The following HBS1L variants were observed in gnomAD, a reference collection of about 807,000 sequenced individuals.
HBS1L encodes HBS1 like translational GTPase.
Under a neutral mutation model 88.9 loss-of-function variants are expected in HBS1L, and 55 were observed. The ratio of observed to expected loss-of-function variants is 0.62; its 90% CI spans 0.50 to 0.77. The LOEUF (loss-of-function observed/expected upper bound fraction) is 0.77, where lower values mean the gene tolerates loss of function less well. HBS1L is among the 30% of genes least tolerant of loss of function. HBS1L has a pLI of 0.00. For synonymous variants in HBS1L, 267 were observed against 288.5 expected, an observed-to-expected ratio of 0.93 and a Z score of 0.76; for missense variants, 741 against 829.3, an observed-to-expected ratio of 0.89 and a Z score of 1.31.
intron 4 of HBS1L, among the ~76,000 whole-genome samples, chr6:135,011,767 G>A (rs535833580): frequency 4.7e-4 from 71 of 152,008 alleles, no homozygotes; most frequent in African/African-American, 1.6e-3. Flanking sequence ...TTAGCCAGAC[G>A]TGGTGGCACG....
At chr6:134,968,747 T>C (rs1301825558) in intron 16 of HBS1L, among the ~76,000 whole-genome samples, 1 of 131,338 alleles carries the variant, frequency 7.6e-6, no homozygotes, top group Non-Finnish European at 1.7e-5. Context: ...CAGGTGGACT[T>C]TGAGCAAAAA....
At chr6:134,992,551 G>A (rs1775171736) in intron 8 of HBS1L, among the ~76,000 whole-genome samples, 1 of 152,074 alleles carries the variant, frequency 6.6e-6, no homozygotes, top group African/African-American at 2.4e-5. Flanking sequence ...CTGATCCTGT[G>A]TAGGCCTAGG....
rs750282776 is a variant in HBS1L at position 134,986,824 on chromosome 6, A to G, written c.1231-14T>C. 1 of 1,457,252 alleles carries G rather than the reference A, an allele frequency of 6.9e-7. No individual in the cohort carries two copies. Among genetic ancestry groups the G allele is most frequent in the Non-Finnish European group, 9.3e-7 (1 of 1,076,128 alleles). The allele number at this position is 1,457,252 out of a possible 1,614,324, so 90.3% of individuals were successfully genotyped here. On this transcript the variant is annotated splice_polypyrimidine_tract_variant and intron_variant, in intron 9 of 17. Transcript: ENST00000367837. ...TTGCCAATTAACCTGATAAAGATCC[A>G]ATTTATTTTTAAAACTATCCTTCAG...
Position 134,967,004 on chromosome 6 carries a change from T to C in HBS1L, c.1899-531A>G, listed in dbSNP as rs141461603. On this transcript the variant is annotated intron_variant, in intron 16 of 17. Coordinates refer to ENST00000367837, the MANE Select transcript of HBS1L (RefSeq NM_006620.4). The stretch of plus-strand genomic sequence containing the variant: ...CCCTCAATCAATCAAGCAATCTCTC[T>C]CTTTCCCCACACAGGAATAATAGTT... Among the ~76,000 whole-genome samples, 445 of 152,308 alleles carry C rather than the reference T, an allele frequency of 2.9e-3. 2 individuals are homozygous for C. The highest frequency in any genetic ancestry group is 9.7e-3 in the African/African-American group (402 of 41,566).
At chr6:134,991,496 T>C (rs1775137476) in intron 8 of HBS1L, among the ~76,000 whole-genome samples, 1 of 152,158 alleles carries the variant, frequency 6.6e-6, no homozygotes, top group South Asian at 2.1e-4. Flanking sequence ...GTATACTAAT[T>C]TAAAATGGTG....
rs375648874 is a variant in HBS1L, at chr6:134,997,446, T to C, written c.750A>G (p.Glu250=). 1.4e-5 allele frequency: 23 copies of C among 1,613,948 alleles called. No individual in the cohort carries two copies. Among genetic ancestry groups the C allele is most frequent in the Non-Finnish European group, 1.9e-5 (22 of 1,179,978 alleles). ...KLRQQIDVKA[E]LEKRQGGKQL... ...GCTTCCCTCCTTGCCGCTTCTCCAG[T>C]TCCGCCTTCACATCTATTTGCTGCC... Residue 250 remains glutamate, a synonymous_variant, in exon 6 of 18, where the codon GAA becomes GAG. Transcript: ENST00000367837.
At chr6:135,036,222 T>G in intron 4 of HBS1L, 1 of 950,200 alleles carries the variant, frequency 1.1e-6, no homozygotes, top group Non-Finnish European at 1.3e-6. Context: ...AGCACAAAAA[T>G]ATTTCATAGA....
chr6:135,012,410 C>G (rs1775801833), intron 4 of HBS1L, among the ~76,000 whole-genome samples: 1 of 152,140 alleles, frequency 6.6e-6, no homozygotes, highest in Non-Finnish European at 1.5e-5. Context: ...CTTTTCAATT[C>G]AAACTTTATA....
rs1255524550 is a variant in HBS1L, at chr6:134,960,720, G to A, written c.*4559C>T. ...TCATGGTTCCATAATTTATTTACTA[G>A]TTTTTAGCAATCCCTCTGAGCTTTA... On this transcript the variant is annotated 3_prime_UTR_variant, in exon 18 of 18. Transcript: ENST00000367837. 6.6e-6 allele frequency: 1 copy of A among 151,968 alleles called. No individual in the cohort carries two copies. Among genetic ancestry groups the A allele is most frequent in the Non-Finnish European group, 1.5e-5 (1 of 67,972 alleles). The allele number at this position is 151,968 out of a possible 1,614,324, so 9.4% of individuals were successfully genotyped here.
intron 4 of HBS1L, among the ~76,000 whole-genome samples, chr6:135,012,441 T>C (rs1323842851): frequency 6.6e-6 from 1 of 152,214 alleles, no homozygotes; most frequent in East Asian, 1.9e-4. Flanking sequence ...CTACAATGAC[T>C]GTATATTATT....
In HBS1L at chr6:135,014,700, T is replaced by C. The variant is rs771316103; in HGVS notation, c.431-11858A>G. Among the ~76,000 whole-genome samples the C allele has an allele frequency of 2.0e-5, 3 of 151,836 alleles. No homozygotes were observed. In the East Asian group the frequency reaches 5.8e-4, roughly 29 times the overall value. On this transcript the variant is annotated intron_variant, in intron 4 of 17. Coordinates refer to ENST00000367837, the MANE Select transcript of HBS1L (RefSeq NM_006620.4). ...GACACTGTTCATGAATATAGACACA[T>C]TTGGTCAGAGATTCCTTTAAGACAT...
rs1202445560 is a variant in HBS1L at position 134,996,950 on chromosome 6, A to G, written c.800-8T>C. Reference sequence around the variant, plus strand: ...TCCCAGCATCAACATGACCTAAAGAAAATTGATTCAGGATTAATACCAGGT... The same window carrying G: ...TCCCAGCATCAACATGACCTAAAGAGAATTGATTCAGGATTAATACCAGGT... On this transcript the variant is annotated splice_region_variant and splice_polypyrimidine_tract_variant and intron_variant, in intron 6 of 17. Transcript: ENST00000367837. The G allele has an allele frequency of 6.4e-7, 1 of 1,566,486 alleles. No homozygotes were observed. Among genetic ancestry groups the G allele is most frequent in the South Asian group, 1.2e-5 (1 of 82,762 alleles).
chr6:135,045,074 A>C (rs1776867727), intron 2 of HBS1L, among the ~76,000 whole-genome samples: 1 of 146,996 alleles, frequency 6.8e-6, no homozygotes, highest in Admixed American at 6.8e-5. Context: ...TGGGGGGAAG[A>C]GTAAGAAAAC....
At chr6:135,040,128 G>C (rs1554231768) in intron 3 of HBS1L, among the ~76,000 whole-genome samples, 1 of 152,080 alleles carries the variant, frequency 6.6e-6, no homozygotes, top group Non-Finnish European at 1.5e-5. Context: ...GGTGAGTGTG[G>C]AACTATTTCT....
intron 5 of HBS1L, among the ~76,000 whole-genome samples, chr6:135,002,218 A>C (rs1775481403): frequency 6.6e-6 from 1 of 152,182 alleles, no homozygotes; most frequent in South Asian, 2.1e-4. Flanking sequence ...TCCATTTTTC[A>C]CTACATATTT....
At chr6:135,027,433 T>C (rs1776267795) in intron 4 of HBS1L, among the ~76,000 whole-genome samples, 1 of 152,018 alleles carries the variant, frequency 6.6e-6, no homozygotes, top group Non-Finnish European at 1.5e-5. Context: ...TAAAACTCTC[T>C]TGGACTCTTG....
At chr6:135,052,948 A>C (rs1777133251) in intron 1 of HBS1L, among the ~76,000 whole-genome samples, 1 of 152,238 alleles carries the variant, frequency 6.6e-6, no homozygotes, top group Non-Finnish European at 1.5e-5. Context: ...TTAAATTATT[A>C]TTCTGAGAAT....
chr6:135,042,072 T>G lies in HBS1L; in HGVS notation c.164A>C (p.Glu55Ala), dbSNP rs1776756101. The G allele has an allele frequency of 6.2e-7, 1 of 1,613,132 alleles. No individual in the cohort carries two copies. The highest frequency in any genetic ancestry group is 1.1e-5 in the South Asian group (1 of 90,998). ...TTCTTTCAGATCTTCATAATCATAT[T>G]CTTCCACAGGCTCAACGGAAGGTTT... ...RDKPSVEPVE[E>A]YDYEDLKESS... Residue 55 changes from glutamate (E) to alanine (A), a missense_variant, in exon 3 of 18, where the codon GAA becomes GCA. Physicochemically the swap from Glu to Ala is moderately radical, Grantham distance 107. Around this residue, in one of 3 missense-constraint regions of HBS1L, gnomAD observed 556 missense variants for 598.4 expected, o/e 0.93. Transcript: ENST00000367837.
chr6:135,016,084 C>T (rs577322579), intron 4 of HBS1L, among the ~76,000 whole-genome samples: 1 of 152,072 alleles, frequency 6.6e-6, no homozygotes, highest in East Asian at 1.9e-4. Context: ...TGCGGTTTCA[C>T]CATGTTGGCC....
Sources: gnomAD v4.1 joint callset for allele counts (sites outside exome capture counted in the v4.1 genomes callset) on GRCh38, gnomAD v4.1.1 for gene constraint, gnomAD v4.1.1 regional missense constraint, MANE v1.5 for transcripts, NCBI Gene and HGNC (gene_info 2026-07-23, HGNC 2026-07-21) for gene names.